The following DSCAML1 variants were observed in gnomAD, a reference collection of about 807,000 sequenced individuals.
DSCAML1 encodes DS cell adhesion molecule like 1.
In DSCAML1, 38 loss-of-function variants were observed where a neutral mutation model predicts 200.5. The ratio of observed to expected loss-of-function variants is 0.19; its 90% confidence interval spans 0.15 to 0.25. The LOEUF (loss-of-function observed/expected upper bound fraction) is 0.25. Among genes scored for constraint, DSCAML1 ranks in the 10% least tolerant of loss-of-function variants. The probability of loss-of-function intolerance (pLI) is 1.00; values close to 1 mark genes in which losing one functional copy is unlikely to be tolerated. For missense variants in DSCAML1, 2,223 were observed against 2,858.8 expected (o/e 0.78, Z 5.07); for synonymous variants, 1,215 against 1,165.0 (o/e 1.04, Z -0.87).
chr11:117,502,463 T>G (rs1387083296), intron 11 of DSCAML1, among the ~76,000 whole-genome samples: 1 of 152,220 alleles, frequency 6.6e-6, no homozygotes, highest in Non-Finnish European at 1.5e-5. Flanking sequence ...ATTGATTGCC[T>G]GGTTTTATTA....
chr11:117,444,543 G>A (rs1031087279), intron 20 of DSCAML1, among the ~76,000 whole-genome samples: 1 of 152,224 alleles, frequency 6.6e-6, no homozygotes, highest in Non-Finnish European at 1.5e-5. Context: ...CAGCACGCCC[G>A]CCCGTCCAGG....
chr11:117,575,825 C>T (rs1385485495), intron 3 of DSCAML1, among the ~76,000 whole-genome samples: 1 of 149,962 alleles, frequency 6.7e-6, no homozygotes, highest in Non-Finnish European at 1.5e-5. Context: ...GAGCCAGATC[C>T]TGTCCAAAAA....
chr11:117,471,835 G>T, intron 15 of DSCAML1, 34 bp downstream of exon 15: 2 of 1,589,208 alleles, frequency 1.3e-6, no homozygotes, highest in South Asian at 1.1e-5. Context: ...GATCCCTGAG[G>T]CCATGGGCAG....
intron 3 of DSCAML1, among the ~76,000 whole-genome samples, chr11:117,720,036 C>G (rs560457939): frequency 7.0e-4 from 106 of 152,194 alleles, no homozygotes; most frequent in African/African-American, 2.5e-3. Flanking sequence ...CTGCCCTGAT[C>G]AAGTCTCAAT....
chr11:117,444,106 C>T (rs1385701318), intron 20 of DSCAML1, 67 bp from the exon 21 acceptor site: 2 of 1,534,470 alleles, frequency 1.3e-6, no homozygotes, highest in Non-Finnish European at 1.8e-6. Flanking sequence ...AAATCTTCCT[C>T]AGTGCCCGGG....
At chr11:117,529,684 A>G (rs1232434208) in intron 4 of DSCAML1, among the ~76,000 whole-genome samples, 1 of 151,136 alleles carries the variant, frequency 6.6e-6, no homozygotes, top group Non-Finnish European at 1.5e-5. Context: ...TGCCATTCTC[A>G]TCCGCAACAA....
intron 3 of DSCAML1, among the ~76,000 whole-genome samples, chr11:117,761,026 G>A (rs1236945804): frequency 1.3e-5 from 2 of 152,146 alleles, no homozygotes; most frequent in African/African-American, 4.8e-5. Flanking sequence ...GGAGAGAGGG[G>A]CATAAAGAGG....
chr11:117,816,335 A>G (rs1201226339), intron 1 of DSCAML1, among the ~76,000 whole-genome samples: 1 of 152,210 alleles, frequency 6.6e-6, no homozygotes, highest in East Asian at 1.9e-4. Flanking sequence ...CCCAGGCCCA[A>G]TCCATCTTCC....
At chr11:117,549,553 C>T (rs2050434282) in intron 3 of DSCAML1, among the ~76,000 whole-genome samples, 1 of 152,180 alleles carries the variant, frequency 6.6e-6, no homozygotes, top group Non-Finnish European at 1.5e-5. Flanking sequence ...AATAACAGTA[C>T]CAATCACACA....
chr11:117,432,309 C>T (rs1279024110), intron 30 of DSCAML1, 43 bp downstream of exon 30: 2 of 1,577,212 alleles, frequency 1.3e-6, no homozygotes, highest in Non-Finnish European at 1.7e-6. Flanking sequence ...GCCCAAGCCA[C>T]CCCGGTTGGG....
At chr11:117,757,692 T>C (rs1487173818) in intron 3 of DSCAML1, among the ~76,000 whole-genome samples, 4 of 152,046 alleles carry the variant, frequency 2.6e-5, no homozygotes, top group Non-Finnish European at 5.9e-5. Flanking sequence ...AAATATTTCC[T>C]TGTGGCCGGG....
chr11:117,649,200 C>A (rs573424279), intron 3 of DSCAML1, among the ~76,000 whole-genome samples: 3 of 152,090 alleles, frequency 2.0e-5, no homozygotes, highest in South Asian at 2.1e-4. Flanking sequence ...GCCTCAGCCA[C>A]CCCAGCAGCT....
intron 3 of DSCAML1, among the ~76,000 whole-genome samples, chr11:117,567,577 A>G (rs2050779841): frequency 6.6e-6 from 1 of 152,184 alleles, no homozygotes. Flanking sequence ...GAAGCTCTTT[A>G]GAGAATACTA....
chr11:117,808,112 G>T (rs1399388858), intron 1 of DSCAML1, among the ~76,000 whole-genome samples: 2 of 152,190 alleles, frequency 1.3e-5, no homozygotes, highest in African/African-American at 4.8e-5. Flanking sequence ...GAGCTACCGC[G>T]CCCGGCCTGC....
rs1043731346 is a variant in DSCAML1 at position 117,642,980 on chromosome 11, G to A, written c.512-110458C>T. On this transcript the variant is annotated intron_variant, in intron 3 of 32. Coordinates refer to ENST00000651296, the MANE Select transcript of DSCAML1 (RefSeq NM_020693.4). This position sits in a 1 kb window ranked among gnomAD's most constrained non-coding sequence, Gnocchi z 4.1. Reference sequence around the variant, plus strand: ...AACGCAAAACTCCTTTGATTTGCCTGTATTGCAATCTTCACTGAAACCTTT... The same window carrying A: ...AACGCAAAACTCCTTTGATTTGCCTATATTGCAATCTTCACTGAAACCTTT... Among the ~76,000 whole-genome samples, 1 of 152,176 alleles carries A rather than the reference G, an allele frequency of 6.6e-6. No homozygotes were observed. Among genetic ancestry groups the A allele is most frequent in the Non-Finnish European group, 1.5e-5 (1 of 68,036 alleles).
intron 3 of DSCAML1, among the ~76,000 whole-genome samples, chr11:117,653,267 C>A (rs1302472459): frequency 6.6e-6 from 1 of 152,202 alleles, no homozygotes; most frequent in African/African-American, 2.4e-5. Context: ...TCCCCTTTCT[C>A]ATGATTTTCC....
rs1225902729 is a variant in DSCAML1, at chr11:117,503,625, G to A, written c.2359+220C>T. Among the ~76,000 whole-genome samples, 1 of 152,174 alleles carries A rather than the reference G, an allele frequency of 6.6e-6. No individual in the cohort carries two copies. Among genetic ancestry groups the A allele is most frequent in the Admixed American group, 6.5e-5 (1 of 15,280 alleles). On this transcript the variant is annotated intron_variant, in intron 11 of 32. Coordinates refer to ENST00000651296, the MANE Select transcript of DSCAML1 (RefSeq NM_020693.4). This position sits in a 1 kb window ranked among gnomAD's most constrained non-coding sequence, Gnocchi z 5.2. ...ATCATGAGCTTATTGTGACCAGGGT[G>A]GGGTGAGTTGGGGCCTCTCAGGGTG...
At chr11:117,440,028 A>T in intron 21 of DSCAML1, 92 bp from the exon 22 acceptor site, 1 of 1,122,592 alleles carries the variant, frequency 8.9e-7, no homozygotes, top group Non-Finnish European at 1.3e-6. Context: ...TTACAGTTCA[A>T]ATCCTCCCTC....
At chr11:117,651,887 C>G (rs1007569110) in intron 3 of DSCAML1, among the ~76,000 whole-genome samples, 1 of 152,162 alleles carries the variant, frequency 6.6e-6, no homozygotes, top group Non-Finnish European at 1.5e-5. Context: ...TTCAGGGAAA[C>G]AGCGGGGATG....
Sources: allele counts gnomAD v4.1 joint callset (sites outside exome capture counted in the v4.1 genomes callset), GRCh38; gene constraint gnomAD v4.1.1; non-coding constraint Gnocchi (gnomAD v3.1); transcripts MANE v1.5; gene names NCBI Gene and HGNC (gene_info 2026-07-23, HGNC 2026-07-21).